The following VWC2 variants were observed in gnomAD, a reference collection of about 807,000 sequenced individuals.
VWC2 encodes the protein brorin.
VWC2 carries 14 observed loss-of-function variants against 29.8 expected under a neutral mutation model. The observed-to-expected ratio is 0.47, with a 90% CI of 0.31 to 0.74. VWC2 has a LOEUF of 0.74. Among genes scored for constraint, VWC2 ranks in the 30% least tolerant of loss-of-function variants. The pLI is 0.05. For synonymous variants in VWC2, 213 were observed against 199.0 expected, an observed-to-expected ratio of 1.07 and a Z score of -0.59; for missense variants, 457 against 459.8, an observed-to-expected ratio of 0.99 and a Z score of 0.05.
intron 2 of VWC2, among the ~76,000 whole-genome samples, chr7:49,788,667 G>C (rs1413722783): frequency 6.9e-6 from 1 of 144,418 alleles, no homozygotes; most frequent in East Asian, 2.1e-4. Context: ...GTGGGTATGA[G>C]AGTCTGTGAG....
intron 3 of VWC2, among the ~76,000 whole-genome samples, chr7:49,895,196 A>T (rs1792323723): frequency 6.6e-6 from 1 of 152,136 alleles, no homozygotes; most frequent in African/African-American, 2.4e-5. Context: ...TAGCGTCCTC[A>T]CACAGTGGGC....
intron 3 of VWC2, among the ~76,000 whole-genome samples, chr7:49,846,027 C>T (rs1336414170): frequency 6.6e-6 from 1 of 152,224 alleles, no homozygotes; most frequent in Non-Finnish European, 1.5e-5. Context: ...GGAAGTTATC[C>T]ATGTTGTCCT....
chr7:49,833,994 A>G (rs1474585499), intron 3 of VWC2, among the ~76,000 whole-genome samples: 2 of 152,206 alleles, frequency 1.3e-5, no homozygotes, highest in Admixed American at 1.3e-4. Flanking sequence ...TTAGCTGTTA[A>G]TTTCAGAGGT....
intron 2 of VWC2, among the ~76,000 whole-genome samples, chr7:49,783,567 T>A (rs920481339): frequency 3.3e-5 from 5 of 152,212 alleles, no homozygotes; most frequent in Non-Finnish European, 7.3e-5. Flanking sequence ...TTACTGCTTG[T>A]CTGTTCCAAG....
intron 3 of VWC2, among the ~76,000 whole-genome samples, chr7:49,878,120 A>G (rs937933669): frequency 4.6e-5 from 7 of 152,014 alleles, no homozygotes; most frequent in African/African-American, 1.4e-4. Flanking sequence ...GTTAATGTTA[A>G]TTGGTGCTTC....
chr7:49,831,918 A>G (rs1175950241), intron 3 of VWC2, among the ~76,000 whole-genome samples: 1 of 152,236 alleles, frequency 6.6e-6, no homozygotes, highest in Non-Finnish European at 1.5e-5. Context: ...AAGGCTAGAA[A>G]GAACCAGGCA....
chr7:49,875,188 G>C (rs1319351968), intron 3 of VWC2, among the ~76,000 whole-genome samples: 2 of 151,002 alleles, frequency 1.3e-5, no homozygotes, highest in Non-Finnish European at 3.0e-5. Flanking sequence ...TGGCCAATAT[G>C]GTGAAACCTC....
At chr7:49,893,692 G>A (rs1160072380) in intron 3 of VWC2, among the ~76,000 whole-genome samples, 1 of 151,266 alleles carries the variant, frequency 6.6e-6, no homozygotes, top group Non-Finnish European at 1.5e-5. Flanking sequence ...AATATGTCAG[G>A]TATATAAAAG....
intron 3 of VWC2, among the ~76,000 whole-genome samples, chr7:49,830,470 G>A (rs985546139): frequency 1.3e-5 from 2 of 152,198 alleles, no homozygotes; most frequent in South Asian, 2.1e-4. Context: ...CAGTCTGATG[G>A]TAATTTTCCT....
intron 3 of VWC2, among the ~76,000 whole-genome samples, chr7:49,906,359 G>C (rs912299520): frequency 2.0e-5 from 3 of 152,084 alleles, no homozygotes; most frequent in South Asian, 2.1e-4. Flanking sequence ...TTTTGAGACA[G>C]AGTCTTGCTC....
Position 49,788,620 on chromosome 7 carries a change from GGTGT to G in VWC2, c.696+12493_696+12496del, listed in dbSNP as rs540445519. On this transcript the variant is annotated intron_variant, in intron 2 of 3. Coordinates refer to ENST00000340652, the MANE Select transcript of VWC2 (RefSeq NM_198570.5). ...CTTATCCACACTCTTATGAGTGGTGGGTGTGTGAGTGAGTGTGTGGGTGTGAGTG... is the reference window on the plus strand; with the variant it reads ...CTTATCCACACTCTTATGAGTGGTGGGTGAGTGAGTGTGTGGGTGTGAGTG... 3.1e-4 allele frequency among the ~76,000 whole-genome samples: 42 copies of G among 133,776 alleles called. 1 individual carries two copies. In the East Asian group the frequency reaches 6.5e-3, roughly 21 times the overall value. 87.8% of individuals were successfully genotyped at this position (133,776 alleles called of 152,430 possible). A position where few individuals can be genotyped will look rare whatever the true frequency, so the allele number is the denominator to read the frequency against.
chr7:49,844,140 T>G (rs1452209721), intron 3 of VWC2, among the ~76,000 whole-genome samples: 1 of 152,150 alleles, frequency 6.6e-6, no homozygotes, highest in African/African-American at 2.4e-5. Flanking sequence ...CTAAGGTGTG[T>G]TTGGACCGCA....
At chr7:49,905,516 G>A (rs113648829) in intron 3 of VWC2, among the ~76,000 whole-genome samples, 6 of 152,346 alleles carry the variant, frequency 3.9e-5, no homozygotes, top group African/African-American at 1.2e-4. Flanking sequence ...ATTTTAATGT[G>A]AGGTAAACCT....
At chr7:49,840,458 G>A (rs577942613) in intron 3 of VWC2, among the ~76,000 whole-genome samples, 60 of 152,258 alleles carry the variant, frequency 3.9e-4, no homozygotes, top group African/African-American at 1.4e-3. Context: ...GCCAGCTGCT[G>A]CTTGGTAGCC....
At chr7:49,871,836 T>C (rs961082705) in intron 3 of VWC2, among the ~76,000 whole-genome samples, 2 of 151,148 alleles carry the variant, frequency 1.3e-5, no homozygotes, top group African/African-American at 2.4e-5. Context: ...AAGACATACA[T>C]ACATGTACAT....
chr7:49,855,591 C>A (rs565441135), intron 3 of VWC2, among the ~76,000 whole-genome samples: 1 of 152,322 alleles, frequency 6.6e-6, no homozygotes, highest in East Asian at 1.9e-4. Context: ...AGGTAGGTAG[C>A]GTCCCTTTAA....
chr7:49,812,405 T>C, intron 3 of VWC2, among the ~76,000 whole-genome samples: 1 of 152,228 alleles, frequency 6.6e-6, no homozygotes, highest in Non-Finnish European at 1.5e-5. Context: ...CCAAGGCTAA[T>C]CTTGATACAC....
At chr7:49,845,178 GGGTTTAATACCTA>G (rs1468607142) in intron 3 of VWC2, among the ~76,000 whole-genome samples, 11 of 152,060 alleles carry the variant, frequency 7.2e-5, no homozygotes, top group African/African-American at 2.4e-4. Context: ...AATGGAGCCT[GGGTTTAATACCTA>G]GGTGATGGGT....
At chr7:49,907,009 A>C (rs1223957453) in intron 3 of VWC2, among the ~76,000 whole-genome samples, 1 of 152,230 alleles carries the variant, frequency 6.6e-6, no homozygotes, top group Non-Finnish European at 1.5e-5. Context: ...AATAGAGTCC[A>C]TGTTGAATAA....
Sources: allele counts gnomAD v4.1 joint callset (sites outside exome capture counted in the v4.1 genomes callset), GRCh38; gene constraint gnomAD v4.1.1; transcripts MANE v1.5; gene names NCBI Gene and HGNC (gene_info 2026-07-23, HGNC 2026-07-21).